Variants in MEI4 observed in about 807,000 individuals in gnomAD.
MEI4 encodes meiosis-specific protein MEI4.
A neutral mutation model predicts 31.4 loss-of-function variants in MEI4; 27 were observed. The ratio of observed to expected loss-of-function variants is 0.86; its 90% CI spans 0.63 to 1.19. The LOEUF (loss-of-function observed/expected upper bound fraction) is 1.19, where lower values mean the gene tolerates loss of function less well. MEI4 is among the 50% of genes most tolerant of loss of function. MEI4 has a pLI of 0.00. For missense variants in MEI4, 329 were observed against 398.9 expected (o/e 0.82, Z 1.49); for synonymous variants, 122 against 145.4 (o/e 0.84, Z 1.16).
At chr6:77,871,696 T>C (rs1346080832) in intron 4 of MEI4, among the ~76,000 whole-genome samples, 2 of 152,144 alleles carry the variant, frequency 1.3e-5, no homozygotes, top group African/African-American at 4.8e-5. Flanking sequence ...GAATCTAAAA[T>C]AAAAGTTGAA....
At position 77,923,404 on chromosome 6, in the gene MEI4, T is replaced by G. The variant is rs190869672; in HGVS notation, c.*58T>G. 117 of 1,183,260 alleles carry G rather than the reference T, an allele frequency of 9.9e-5. No homozygotes were observed. In the East Asian group the frequency reaches 3.4e-3, roughly 35 times the overall value. 73.3% of individuals were successfully genotyped at this position (1,183,260 alleles called of 1,614,324 possible). ...CATAATAAAGTAGAATATATGAAAA[T>G]CTCATACTGAAAAGATTTTCAATAG... On this transcript the variant is annotated 3_prime_UTR_variant, in exon 5 of 5. Coordinates refer to ENST00000684080, the MANE Select transcript of MEI4 (RefSeq NM_001322247.2).
At chr6:77,813,622 A>G (rs1408010974) in intron 3 of MEI4, among the ~76,000 whole-genome samples, 1 of 151,996 alleles carries the variant, frequency 6.6e-6, no homozygotes, top group Non-Finnish European at 1.5e-5. Flanking sequence ...CCTAATATGC[A>G]GAAGCTTTGG....
rs70974691 is a variant in MEI4 at position 77,905,475 on chromosome 6, C to CTTTTTTT, written c.901-17581_901-17575dup. ...TTCTATAGATTGTATAAATTTTCAG[C>CTTTTTTT]TTTTTTTTTTTTTTTTTTTTTTTTT... On this transcript the variant is annotated intron_variant, in intron 4 of 4. Coordinates refer to ENST00000684080, the MANE Select transcript of MEI4 (RefSeq NM_001322247.2). Among the ~76,000 whole-genome samples the CTTTTTTT allele has an allele frequency of 5.2e-4, 49 of 93,342 alleles. 10 individuals are homozygous for CTTTTTTT. The highest frequency in any genetic ancestry group is 8.2e-4 in the Non-Finnish European group (39 of 47,588). The allele number at this position is 93,342 out of a possible 152,430, so 61.2% of individuals were successfully genotyped here.
At chr6:77,743,036 G>T (rs975279212) in intron 2 of MEI4, among the ~76,000 whole-genome samples, 2 of 152,064 alleles carry the variant, frequency 1.3e-5, no homozygotes, top group Admixed American at 1.3e-4. Flanking sequence ...TTATAGTATA[G>T]TTTGAAGTCA....
At chr6:77,792,675 A>G (rs1768968808) in intron 3 of MEI4, among the ~76,000 whole-genome samples, 1 of 150,936 alleles carries the variant, frequency 6.6e-6, no homozygotes, top group African/African-American at 2.4e-5. Flanking sequence ...TAAGGATCTA[A>G]TTTTATTGTT....
intron 1 of MEI4, among the ~76,000 whole-genome samples, chr6:77,667,453 C>T: frequency 6.6e-6 from 1 of 152,090 alleles, no homozygotes; most frequent in Non-Finnish European, 1.5e-5. Context: ...GATTCCTTAC[C>T]TGGAATTAAT....
chr6:77,748,614 A>G lies in MEI4; in HGVS notation c.233-12516A>G, dbSNP rs941051670. ...AAAGGTCTCTGACATCCGTGGAGAC[A>G]TTTTCCCCATTGTCTTGGAGATTAA... On this transcript the variant is annotated intron_variant, in intron 2 of 4. Transcript: ENST00000684080. Among the ~76,000 whole-genome samples, 10 of 152,290 alleles carry G rather than the reference A, an allele frequency of 6.6e-5. No homozygotes were observed. The East Asian group carries it at 1.5e-3, about 24-fold the overall frequency.
At chr6:77,727,178 C>G (rs1766848727) in intron 2 of MEI4, among the ~76,000 whole-genome samples, 1 of 152,078 alleles carries the variant, frequency 6.6e-6, no homozygotes, top group Non-Finnish European at 1.5e-5. Context: ...ACAGAGTCCA[C>G]CTACTTGGAT....
At chr6:77,666,857 C>CTGTGTG (rs754710415) in intron 1 of MEI4, among the ~76,000 whole-genome samples, 2,500 of 148,302 alleles carry the variant, frequency 0.017, 31 homozygotes, top group Non-Finnish European at 0.023. Flanking sequence ...CTACATGCCT[C>CTGTGTG]TGTGTGTGTG....
At chr6:77,819,472 T>C (rs1358787992) in intron 3 of MEI4, among the ~76,000 whole-genome samples, 1 of 152,184 alleles carries the variant, frequency 6.6e-6, no homozygotes, top group Non-Finnish European at 1.5e-5. Flanking sequence ...GGTATTATTT[T>C]AGGGGAATAT....
Position 77,801,737 on chromosome 6 carries a change from G to A in MEI4, c.769-27194G>A, listed in dbSNP as rs540677106. Among the ~76,000 whole-genome samples, 16 of 152,308 alleles carry A rather than the reference G, an allele frequency of 1.1e-4. No homozygotes were observed. The South Asian group carries it at 3.3e-3, about 32-fold the overall frequency. ...CTGCCTTCATTTTGTTGTGTACCCAGTAGTTATTCAGGAGCAGGTTGTTCA... is the reference window on the plus strand; with the variant it reads ...CTGCCTTCATTTTGTTGTGTACCCAATAGTTATTCAGGAGCAGGTTGTTCA... On this transcript the variant is annotated intron_variant, in intron 3 of 4. Transcript: ENST00000684080.
chr6:77,866,282 G>A (rs1771025430), intron 4 of MEI4, among the ~76,000 whole-genome samples: 1 of 152,064 alleles, frequency 6.6e-6, no homozygotes, highest in Non-Finnish European at 1.5e-5. Flanking sequence ...AAAAGAGGAA[G>A]TCAAATTGTC....
At chr6:77,918,175 G>T (rs1562038839) in intron 4 of MEI4, among the ~76,000 whole-genome samples, 1 of 151,878 alleles carries the variant, frequency 6.6e-6, no homozygotes, top group Non-Finnish European at 1.5e-5. Context: ...CTGTAGCCTT[G>T]TAGTATAGTT....
chr6:77,872,080 G>A (rs1193698868), intron 4 of MEI4, among the ~76,000 whole-genome samples: 2 of 152,128 alleles, frequency 1.3e-5, no homozygotes, highest in African/African-American at 4.8e-5. Context: ...AAGGAAACAG[G>A]AAAAACATGG....
chr6:77,919,153 A>G (rs1380290448), intron 4 of MEI4, among the ~76,000 whole-genome samples: 1 of 152,024 alleles, frequency 6.6e-6, no homozygotes, highest in Admixed American at 6.6e-5. Flanking sequence ...CGGACCTAAT[A>G]GACATCTACA....
intron 3 of MEI4, among the ~76,000 whole-genome samples, chr6:77,801,811 G>A (rs995936477): frequency 6.6e-6 from 1 of 152,126 alleles, no homozygotes; most frequent in Non-Finnish European, 1.5e-5. Flanking sequence ...ATCCTGAGTT[G>A]TAGTTTGATT....
intron 2 of MEI4, among the ~76,000 whole-genome samples, chr6:77,754,684 C>A (rs1383698125): frequency 1.3e-5 from 2 of 152,164 alleles, no homozygotes; most frequent in Non-Finnish European, 2.9e-5. Flanking sequence ...GGGTAATTTA[C>A]AAAGAAATGA....
chr6:77,794,594 G>A (rs991716254), intron 3 of MEI4, among the ~76,000 whole-genome samples: 11 of 151,982 alleles, frequency 7.2e-5, no homozygotes, highest in Middle Eastern at 3.4e-3. Flanking sequence ...ATCAAAGCAC[G>A]TAAATATATT....
chr6:77,733,654 T>C (rs1054960806), intron 2 of MEI4, among the ~76,000 whole-genome samples: 1 of 152,002 alleles, frequency 6.6e-6, no homozygotes, highest in Non-Finnish European at 1.5e-5. Flanking sequence ...TTTAGTTATT[T>C]CTTGCCTTCT....
Sources: gnomAD v4.1 joint callset for allele counts (sites outside exome capture counted in the v4.1 genomes callset) on GRCh38, gnomAD v4.1.1 for gene constraint, MANE v1.5 for transcripts, NCBI Gene and HGNC (gene_info 2026-07-23, HGNC 2026-07-21) for gene names.